The following MGAT5B variants were observed in gnomAD, a reference collection of about 807,000 sequenced individuals.
MGAT5B encodes alpha-1,6-mannosylglycoprotein 6-beta-N-acetylglucosaminyltransferase B.
MGAT5B carries 54 observed loss-of-function variants against 95.1 expected under a neutral mutation model. The observed-to-expected ratio is 0.57, with a 90% CI of 0.46 to 0.71. The LOEUF is 0.71. Among genes scored for constraint, MGAT5B ranks in the 30% least tolerant of loss-of-function variants. MGAT5B has a pLI of 0.00. For missense variants in MGAT5B, 935 were observed against 1,088.6 expected (o/e 0.86, Z 1.99); for synonymous variants, 464 against 451.0 (o/e 1.03, Z -0.36).
chr17:76,923,999 G>A (rs763008353), intron 8 of MGAT5B: 6 of 152,250 alleles, frequency 3.9e-5, no homozygotes, highest in Non-Finnish European at 7.3e-5. Flanking sequence ...GTGACCGGAT[G>A]CCTCGTCATC....
intron 8 of MGAT5B, among the ~76,000 whole-genome samples, chr17:76,921,205 G>A (rs1969113900): frequency 6.6e-6 from 1 of 152,226 alleles, no homozygotes; most frequent in South Asian, 2.1e-4. Context: ...AACCTTGGTA[G>A]GATCAGAGGG....
intron 15 of MGAT5B, among the ~76,000 whole-genome samples, chr17:76,943,140 G>A (rs189410637): frequency 4.1e-4 from 63 of 152,238 alleles, no homozygotes; most frequent in Admixed American, 1.2e-3. Flanking sequence ...ATTGATAACT[G>A]GGGGAAGGAC....
chr17:76,947,403 C>G (rs912450414), intron 16 of MGAT5B, among the ~76,000 whole-genome samples: 11 of 152,124 alleles, frequency 7.2e-5, no homozygotes, highest in African/African-American at 2.4e-4. Context: ...GAAAAGCATT[C>G]GCGGGGCCCT....
chr17:76,940,888 C>A lies in MGAT5B; in HGVS notation c.1848+40C>A. The A allele has an allele frequency of 6.7e-7, 1 of 1,495,946 alleles. No individual in the cohort carries two copies. The highest frequency in any genetic ancestry group is 9.3e-7 in the Non-Finnish European group (1 of 1,073,504). The allele number at this position is 1,495,946 out of a possible 1,614,324, so 92.7% of individuals were successfully genotyped here. On this transcript the variant is annotated intron_variant, in intron 15 of 17. Transcript: ENST00000569840. This position sits in a 1 kb window ranked among gnomAD's most constrained non-coding sequence, Gnocchi z 4.3. ...ATACAGTTGAGACCCCCCACTAGTC[C>A]ACACTGCTGGTCTTCACTCTGATTA...
chr17:76,913,755 C>G (rs1320225760), intron 8 of MGAT5B: 4 of 489,624 alleles, frequency 8.2e-6, no homozygotes, highest in Admixed American at 2.2e-5. Flanking sequence ...GGAGATGTGG[C>G]CAGCAACACA....
intron 16 of MGAT5B, among the ~76,000 whole-genome samples, chr17:76,947,294 A>G (rs1326216200): frequency 6.6e-6 from 1 of 152,208 alleles, no homozygotes; most frequent in African/African-American, 2.4e-5. Flanking sequence ...TACAGATGGG[A>G]ATACTGAAAC....
rs1967791722 is a variant in MGAT5B at position 76,889,535 on chromosome 17, C to A, written c.329+7237C>A. ...AGGCGTGTGGTTGGCAGGTCAGGGG[C>A]CTCTTTCAGCCAGTGCCACCCCAGG... On this transcript the variant is annotated intron_variant, in intron 3 of 17. Transcript: ENST00000569840. The surrounding 1 kb of genome is among the most constrained non-coding windows in gnomAD (Gnocchi z 4.4). 6.6e-6 allele frequency among the ~76,000 whole-genome samples: 1 copy of A among 152,190 alleles called. No individual in the cohort carries two copies. Among genetic ancestry groups the A allele is most frequent in the South Asian group, 2.1e-4 (1 of 4,830 alleles).
In MGAT5B at chr17:76,940,739, C is replaced by G; in HGVS notation, c.1739C>G (p.Ser580Cys). The G allele has an allele frequency of 6.2e-7, 1 of 1,614,098 alleles. No individual in the cohort carries two copies. Among genetic ancestry groups the G allele is most frequent in the Non-Finnish European group, 8.5e-7 (1 of 1,180,008 alleles). The change falls in exon 15 of 18, where the codon TCC (serine) becomes TGC (cysteine). Residue 580 changes from serine (S) to cysteine (C), a missense_variant. Physicochemically the swap from Ser to Cys is moderately radical, Grantham distance 112. Transcript: ENST00000569840. This position sits in a 1 kb window ranked among gnomAD's most constrained non-coding sequence, Gnocchi z 4.3. ...RGKPTSREVF[S>C]QHPYAENFIG... ...TCTCTGTACCCTTGCCAGGTGTTCTCCCAGCATCCCTACGCGGAGAACTTC... is the reference window on the plus strand; with the variant it reads ...TCTCTGTACCCTTGCCAGGTGTTCTGCCAGCATCCCTACGCGGAGAACTTC...
At chr17:76,902,874 C>T (rs1487123886) in intron 4 of MGAT5B, among the ~76,000 whole-genome samples, 1 of 152,134 alleles carries the variant, frequency 6.6e-6, no homozygotes, top group Non-Finnish European at 1.5e-5. Context: ...GCGCTGAGGA[C>T]AGAGGAGGTC....
chr17:76,873,665 C>G (rs201769710), intron 2 of MGAT5B, among the ~76,000 whole-genome samples: 1 of 151,546 alleles, frequency 6.6e-6, no homozygotes, highest in Non-Finnish European at 1.5e-5. Flanking sequence ...GAGCCCTCCT[C>G]CTGAAGCTGG....
Position 76,924,987 on chromosome 17 carries a change from C to T in MGAT5B, c.1047C>T (p.Gly349=), listed in dbSNP as rs1333819160. 2 of 1,612,038 alleles carry T rather than the reference C, an allele frequency of 1.2e-6. No individual in the cohort carries two copies. The highest frequency in any genetic ancestry group is 2.7e-5 in the African/African-American group (2 of 74,734). The change falls in exon 9 of 18, where the codon GGC becomes GGT. Residue 349 remains glycine, a synonymous_variant. Transcript: ENST00000569840. ...TCAGTAACTTAGGGGTACCGCCAGG[C>T]CGGGGAAGCTGCCCGCTCACCATGC... ...ELQSNLGVPP[G]RGSCPLTMPL...
intron 15 of MGAT5B, chr17:76,944,265 G>GA (rs1329612399): frequency 6.6e-6 from 1 of 152,168 alleles, no homozygotes; most frequent in Non-Finnish European, 1.5e-5. Flanking sequence ...CGTTGGCCGT[G>GA]AGTGTTTGCT....
At chr17:76,880,677 C>T (rs1967377986) in intron 2 of MGAT5B, among the ~76,000 whole-genome samples, 1 of 152,238 alleles carries the variant, frequency 6.6e-6, no homozygotes, top group Admixed American at 6.5e-5. Context: ...CTGCCCTGGT[C>T]ACACAGGGGT....
At chr17:76,904,170 C>T in intron 5 of MGAT5B, 82 bp from the exon 6 acceptor site, 1 of 1,414,056 alleles carries the variant, frequency 7.1e-7, no homozygotes, top group Non-Finnish European at 9.5e-7. Context: ...ACCTCAGGAC[C>T]CCTGGGGGTG....
At position 76,899,117 on chromosome 17, in the gene MGAT5B, C is replaced by T. The variant is rs930230803; in HGVS notation, c.330-3438C>T. Among the ~76,000 whole-genome samples the T allele has an allele frequency of 3.9e-5, 6 of 152,324 alleles. No individual in the cohort carries two copies. The South Asian group carries it at 6.2e-4, about 16-fold the overall frequency. On this transcript the variant is annotated intron_variant, in intron 3 of 17. Coordinates refer to ENST00000569840, the MANE Select transcript of MGAT5B (RefSeq NM_001199172.2). ...GAGGTGCCTCCAGGAAGGGCTGAAA[C>T]GGGTTGAGGTCCGTTCCAAAGTCTC... is the stretch of plus-strand genomic sequence containing the variant.
In MGAT5B at chr17:76,905,366, C is replaced by T. The variant is rs767799638; in HGVS notation, c.855+33C>T. The T allele has an allele frequency of 7.8e-6, 12 of 1,537,394 alleles. No individual in the cohort carries two copies. Among genetic ancestry groups the T allele is most frequent in the South Asian group, 1.2e-5 (1 of 80,710 alleles). ...GCCCCTGCCCCCTCATGTGCAGGAGCTGAGAAAGCTCAGGGCCCCCACTTC... is the reference window on the plus strand; with the variant it reads ...GCCCCTGCCCCCTCATGTGCAGGAGTTGAGAAAGCTCAGGGCCCCCACTTC... On this transcript the variant is annotated intron_variant, in intron 7 of 17. Transcript: ENST00000569840. The surrounding 1 kb of genome is among the most constrained non-coding windows in gnomAD (Gnocchi z 4.2).
chr17:76,917,956 A>G lies in MGAT5B; in HGVS notation c.1026-7010A>G, dbSNP rs912107073. 1.3e-5 allele frequency among the ~76,000 whole-genome samples: 2 copies of G among 152,022 alleles called. No homozygotes were observed. The highest frequency in any genetic ancestry group is 2.9e-5 in the Non-Finnish European group (2 of 68,024). On this transcript the variant is annotated intron_variant, in intron 8 of 17. Transcript: ENST00000569840. The surrounding 1 kb of genome is among the most constrained non-coding windows in gnomAD (Gnocchi z 6.1). ...TCTGTAAGGAAGAGGACTGGGAACG[A>G]CCGGAGGGCCGAGTTCCCGTTCCTC... is the stretch of plus-strand genomic sequence containing the variant.
At chr17:76,895,360 T>A (rs1441923882) in intron 3 of MGAT5B, among the ~76,000 whole-genome samples, 1 of 152,068 alleles carries the variant, frequency 6.6e-6, no homozygotes, top group African/African-American at 2.4e-5. Flanking sequence ...GTCAATGTAA[T>A]ATACTTGAAT....
At chr17:76,890,411 A>G (rs753193501) in intron 3 of MGAT5B, among the ~76,000 whole-genome samples, 1 of 152,246 alleles carries the variant, frequency 6.6e-6, no homozygotes, top group Non-Finnish European at 1.5e-5. Flanking sequence ...ACATCTAAGT[A>G]TAGGTATACC....
Sources: allele counts gnomAD v4.1 joint callset (sites outside exome capture counted in the v4.1 genomes callset), GRCh38; gene constraint gnomAD v4.1.1; non-coding constraint Gnocchi (gnomAD v3.1); transcripts MANE v1.5; gene names NCBI Gene and HGNC (gene_info 2026-07-23, HGNC 2026-07-21).